Variants in NELL2 observed in about 807,000 individuals in gnomAD.
NELL2 encodes the protein neural EGFL like 2, also known as protein kinase C-binding protein NELL2.
Under a neutral mutation model 109.6 loss-of-function variants are expected in NELL2, and 41 were observed. The observed-to-expected ratio is 0.37, with a 90% CI of 0.29 to 0.49. The LOEUF is 0.49. Among genes scored for constraint, NELL2 ranks in the 20% least tolerant of loss-of-function variants. NELL2 has a pLI of 0.98. For missense variants in NELL2, 900 were observed against 1,008.3 expected (o/e 0.89, Z 1.45); for synonymous variants, 355 against 344.7 (o/e 1.03, Z -0.33).
At chr12:44,587,076 T>C (rs892051038) in intron 15 of NELL2, among the ~76,000 whole-genome samples, 1 of 151,420 alleles carries the variant, frequency 6.6e-6, no homozygotes, top group Non-Finnish European at 1.5e-5. Context: ...ATTGAGACCA[T>C]CCTGGCTAAC....
At chr12:44,683,699 T>C (rs1006681128) in intron 12 of NELL2, among the ~76,000 whole-genome samples, 3 of 152,188 alleles carry the variant, frequency 2.0e-5, no homozygotes, top group African/African-American at 7.2e-5. Flanking sequence ...TGTCTTTGGT[T>C]CTGTTTATAT....
intron 1 of NELL2, among the ~76,000 whole-genome samples, chr12:44,881,559 C>T (rs1290886509): frequency 6.6e-6 from 1 of 151,874 alleles, no homozygotes; most frequent in Non-Finnish European, 1.5e-5. Flanking sequence ...AATCAGTGAG[C>T]TCGAAGACAG....
chr12:44,574,093 T>C (rs1418584987), intron 15 of NELL2, among the ~76,000 whole-genome samples: 1 of 151,916 alleles, frequency 6.6e-6, no homozygotes, highest in Non-Finnish European at 1.5e-5. Flanking sequence ...AGATGGAGTC[T>C]CGTTCTGTTG....
intron 2 of NELL2, among the ~76,000 whole-genome samples, chr12:44,832,012 A>G (rs1943903394): frequency 6.6e-6 from 1 of 152,318 alleles, no homozygotes; most frequent in Non-Finnish European, 1.5e-5. Context: ...CTCATTCTGT[A>G]AAATGAGGAT....
At position 44,723,646 on chromosome 12, in the gene NELL2, T is replaced by A. The variant is rs576497723; in HGVS notation, c.995-8905A>T. On this transcript the variant is annotated intron_variant, in intron 9 of 19. Transcript: ENST00000429094. ...AGTATAAGTTTCATTTTGTTTGGGG[T>A]TTTTTTAATGTAATAAGATAGATAC... 4.6e-5 allele frequency among the ~76,000 whole-genome samples: 7 copies of A among 152,228 alleles called. No homozygotes were observed. In the East Asian group the frequency reaches 1.4e-3, roughly 29 times the overall value.
chr12:44,653,501 T>C lies in NELL2; in HGVS notation c.1444+11983A>G, dbSNP rs140262838. 2.6e-3 allele frequency among the ~76,000 whole-genome samples: 401 copies of C among 152,328 alleles called. 2 individuals are homozygous for C. Among genetic ancestry groups the C allele is most frequent in the African/African-American group, 9.2e-3 (384 of 41,574 alleles). On this transcript the variant is annotated intron_variant, in intron 13 of 19. Coordinates refer to ENST00000429094, the MANE Select transcript of NELL2 (RefSeq NM_001145108.2). ...TCTACGCCATTTCCTGTCTTCTGGT[T>C]GTTGTTGTTAGTTGTGGTAGTTCAC...
chr12:44,757,501 T>C (rs544448509), intron 9 of NELL2, among the ~76,000 whole-genome samples: 122 of 152,168 alleles, frequency 8.0e-4, no homozygotes, highest in Non-Finnish European at 1.2e-3. Context: ...TCTACTTAGA[T>C]TCTCACACCA....
intron 1 of NELL2, among the ~76,000 whole-genome samples, chr12:44,898,402 G>A (rs1009490176): frequency 7.2e-5 from 11 of 152,150 alleles, no homozygotes; most frequent in African/African-American, 2.7e-4. Flanking sequence ...AGCTTCCAGA[G>A]GAAGGAGCAG....
chr12:44,691,386 G>T (rs1948895162), intron 12 of NELL2, among the ~76,000 whole-genome samples: 1 of 152,108 alleles, frequency 6.6e-6, no homozygotes, highest in Admixed American at 6.6e-5. Flanking sequence ...CATACAAGAT[G>T]GCAAACTTAA....
chr12:44,573,889 C>T (rs552683093), intron 15 of NELL2, among the ~76,000 whole-genome samples: 6 of 152,118 alleles, frequency 3.9e-5, no homozygotes, highest in East Asian at 1.9e-4. Flanking sequence ...TAGGAGATTG[C>T]TCAACATGGA....
rs183614284 is a variant in NELL2 at position 44,678,880 on chromosome 12, T to C, written c.1319-13271A>G. On this transcript the variant is annotated intron_variant, in intron 12 of 19. Transcript: ENST00000429094. ...GGGGATATGTGATGACAAGTCTAGATTGAAGTGGGTTAAGGAGAAAGTCTG... is the reference window on the plus strand; with the variant it reads ...GGGGATATGTGATGACAAGTCTAGACTGAAGTGGGTTAAGGAGAAAGTCTG... Among the ~76,000 whole-genome samples the C allele has an allele frequency of 9.6e-4, 146 of 152,052 alleles. 1 individual carries two copies. The South Asian group carries it at 0.015, about 16-fold the overall frequency.
rs1480513383 is a variant in NELL2, at chr12:44,794,985, T to A, written c.336-14963A>T. On this transcript the variant is annotated intron_variant, in intron 3 of 19. Coordinates refer to ENST00000429094, the MANE Select transcript of NELL2 (RefSeq NM_001145108.2). ...TTATAGTAATTTATGCCCTTGTTAG[T>A]CAAATATCCTTTGCATTGGCAGAAA... Among the ~76,000 whole-genome samples, 3 of 152,210 alleles carry A rather than the reference T, an allele frequency of 2.0e-5. No homozygotes were observed. In the East Asian group the frequency reaches 5.8e-4, roughly 29 times the overall value.
chr12:44,576,015 C>T (rs1944066411), intron 15 of NELL2, among the ~76,000 whole-genome samples: 1 of 152,202 alleles, frequency 6.6e-6, no homozygotes, highest in African/African-American at 2.4e-5. Flanking sequence ...GTGCTCCAGG[C>T]ACATTGGTCC....
intron 15 of NELL2, among the ~76,000 whole-genome samples, chr12:44,560,962 C>T (rs1943448250): frequency 1.3e-5 from 2 of 152,172 alleles, no homozygotes; most frequent in South Asian, 2.1e-4. Context: ...TCCAGCAGCA[C>T]ATCAAAAAGC....
Position 44,921,491 on chromosome 12 carries a change from C to T in NELL2, c.-32+299G>A, listed in dbSNP as rs534096106. On this transcript the variant is annotated intron_variant, in intron 1 of 9. Transcript: ENST00000552993. ...AGACAGGCAGGCTTGAATTGTGGCT[C>T]CAGCTCACATGTAATGTAACCTCTG... 7.9e-5 allele frequency among the ~76,000 whole-genome samples: 12 copies of T among 152,184 alleles called. No homozygotes were observed. The South Asian group carries it at 2.5e-3, about 32-fold the overall frequency.
chr12:44,508,799 A>G lies in NELL2; in HGVS notation c.*135T>C. On this transcript the variant is annotated 3_prime_UTR_variant, in exon 20 of 20. Transcript: ENST00000429094. ...TTTGTCAAGCTCCACAAATTTCATAATTGAAAGTTCACTCAGCTATTAACA... is the reference window on the plus strand; with the variant it reads ...TTTGTCAAGCTCCACAAATTTCATAGTTGAAAGTTCACTCAGCTATTAACA... 1.4e-6 allele frequency: 1 copy of G among 726,496 alleles called. No homozygotes were observed. Among genetic ancestry groups the G allele is most frequent in the African/African-American group, 1.8e-5 (1 of 56,080 alleles). The allele number at this position is 726,496 out of a possible 1,614,324, so 45.0% of individuals were successfully genotyped here.
chr12:44,727,558 AAG>A (rs889028117), intron 9 of NELL2, among the ~76,000 whole-genome samples: 4 of 152,044 alleles, frequency 2.6e-5, no homozygotes, highest in African/African-American at 7.2e-5. Flanking sequence ...GAAAAGCAGA[AAG>A]AGAGAGGAAG....
At chr12:44,562,105 C>A (rs1180062334) in intron 15 of NELL2, among the ~76,000 whole-genome samples, 1 of 152,160 alleles carries the variant, frequency 6.6e-6, no homozygotes, top group Non-Finnish European at 1.5e-5. Context: ...GGAAAACTGG[C>A]TAGCCATATG....
At chr12:44,795,987 G>C (rs1942607530) in intron 3 of NELL2, among the ~76,000 whole-genome samples, 1 of 152,026 alleles carries the variant, frequency 6.6e-6, no homozygotes, top group South Asian at 2.1e-4. Flanking sequence ...AGCAATTTAA[G>C]AGGACTCAGA....
Sources: gnomAD v4.1 joint callset for allele counts (sites outside exome capture counted in the v4.1 genomes callset) on GRCh38, gnomAD v4.1.1 for gene constraint, MANE v1.5 for transcripts, NCBI Gene and HGNC (gene_info 2026-07-23, HGNC 2026-07-21) for gene names.